FBXO16: variants seen among roughly 807,000 people sequenced by gnomAD.
The protein encoded by FBXO16 is F-box only protein 16.
FBXO16 carries 31 observed loss-of-function variants against 41.0 expected under a neutral mutation model. The observed-to-expected ratio is 0.76, with a 90% confidence interval of 0.57 to 1.02. The LOEUF is 1.02. Ranked by LOEUF, FBXO16 falls within the 50% of genes least tolerant of loss-of-function variation. The probability of loss-of-function intolerance (pLI) is 0.00; values close to 1 mark genes in which losing one functional copy is unlikely to be tolerated. For missense variants in FBXO16, 361 were observed against 346.2 expected, an observed-to-expected ratio of 1.04 and a Z score of -0.34; for synonymous variants, 133 against 117.8, an observed-to-expected ratio of 1.13 and a Z score of -0.84.
intron 6 of FBXO16, among the ~76,000 whole-genome samples, chr8:28,451,996 A>G (rs1260576742): frequency 1.5e-5 from 1 of 67,742 alleles, no homozygotes; most frequent in Non-Finnish European, 3.2e-5. Flanking sequence ...CTACGTCTCA[A>G]AAAAAAAAAA....
At chr8:28,439,862 TTCTATAAA>T (rs869170555) in intron 7 of FBXO16, among the ~76,000 whole-genome samples, 1 of 21,542 alleles carries the variant, frequency 4.6e-5, no homozygotes, top group Non-Finnish European at 7.8e-5. Context: ...AGAAACTCTG[TTCTATAAA>T]TTCTTCTGTT....
chr8:28,447,057 A>G (rs1802875450), intron 7 of FBXO16, 114 bp downstream of exon 7: 1 of 944,370 alleles, frequency 1.1e-6, no homozygotes, highest in Non-Finnish European at 1.6e-6. Flanking sequence ...CCGAATTTAA[A>G]TCACCACTCC....
At chr8:28,439,105 A>AAAAAG (rs1397069645) in intron 7 of FBXO16, among the ~76,000 whole-genome samples, 1 of 151,530 alleles carries the variant, frequency 6.6e-6, no homozygotes, top group African/African-American at 2.4e-5. Flanking sequence ...AAAAAAAAAA[A>AAAAAG]AAAAGAAAAG....
intron 3 of FBXO16, among the ~76,000 whole-genome samples, chr8:28,467,076 G>C (rs1258787129): frequency 2.6e-5 from 4 of 152,038 alleles, no homozygotes; most frequent in African/African-American, 9.7e-5. Context: ...TGAGTGGCTG[G>C]GATGTGCTAC....
At chr8:28,440,445 T>C (rs1423985313) in intron 7 of FBXO16, among the ~76,000 whole-genome samples, 1 of 152,140 alleles carries the variant, frequency 6.6e-6, no homozygotes, top group Admixed American at 6.6e-5. Context: ...GGAATTTGAG[T>C]GACTACTCAT....
intron 7 of FBXO16, among the ~76,000 whole-genome samples, chr8:28,442,240 A>G (rs1351210435): frequency 1.3e-5 from 2 of 151,326 alleles, no homozygotes; most frequent in Non-Finnish European, 2.9e-5. Context: ...GCCCGGCCGG[A>G]ATTTGTATTT....
chr8:28,482,849 G>A (rs1291654798), intron 2 of FBXO16, among the ~76,000 whole-genome samples: 1 of 152,004 alleles, frequency 6.6e-6, no homozygotes, highest in Non-Finnish European at 1.5e-5. Context: ...AAAGTGCTGG[G>A]ATTATAAGCA....
intron 3 of FBXO16, 40 bp from the exon 4 acceptor site, chr8:28,463,858 G>A: frequency 6.3e-7 from 1 of 1,588,186 alleles, no homozygotes; most frequent in South Asian, 1.1e-5. Context: ...AAAGCTCCAG[G>A]TTTAGTCTGA....
At chr8:28,480,043 G>T (rs7011772) in intron 2 of FBXO16, among the ~76,000 whole-genome samples, 109,006 of 151,772 alleles carry the variant, frequency 0.72, 39,592 homozygotes, top group African/African-American at 0.82. Context: ...GCCCCCAAAA[G>T]TTTTTCAATA....
intron 6 of FBXO16, among the ~76,000 whole-genome samples, chr8:28,449,421 A>T (rs1802917606): frequency 6.7e-6 from 1 of 149,106 alleles, no homozygotes; most frequent in Non-Finnish European, 1.5e-5. Flanking sequence ...TCCTGGGCTC[A>T]AGCAATCTTC....
At chr8:28,464,230 A>G (rs879697836) in intron 3 of FBXO16, among the ~76,000 whole-genome samples, 7 of 152,238 alleles carry the variant, frequency 4.6e-5, no homozygotes, top group Non-Finnish European at 1.0e-4. Context: ...TGTATTCACA[A>G]TTGGAGATAA....
At chr8:28,467,146 G>A (rs1167282053) in intron 3 of FBXO16, among the ~76,000 whole-genome samples, 1 of 152,146 alleles carries the variant, frequency 6.6e-6, no homozygotes, top group African/African-American at 2.4e-5. Context: ...TGAGTCTGGT[G>A]GGGCTGAGCT....
chr8:28,479,451 T>C (rs1803477375), intron 2 of FBXO16, among the ~76,000 whole-genome samples: 1 of 152,200 alleles, frequency 6.6e-6, no homozygotes, highest in Admixed American at 6.5e-5. Context: ...ACTTTTCTTC[T>C]CCACAGCTGC....
At chr8:28,479,824 G>A (rs746299809) in intron 2 of FBXO16, among the ~76,000 whole-genome samples, 2 of 151,830 alleles carry the variant, frequency 1.3e-5, no homozygotes, top group Non-Finnish European at 2.9e-5. Flanking sequence ...GGGCTCAAGC[G>A]ATCCTCCTGC....
chr8:28,429,667 TGGTG>T (rs144969870), intron 7 of FBXO16, among the ~76,000 whole-genome samples: 4,327 of 151,874 alleles, frequency 0.028, 217 homozygotes, highest in African/African-American at 0.097. Context: ...TCTAACACCG[TGGTG>T]GGTGGGTATG....
At position 28,452,228 on chromosome 8, in the gene FBXO16, G is replaced by A. The variant is rs748668037; in HGVS notation, c.740+16C>T. 6.2e-7 allele frequency: 1 copy of A among 1,601,442 alleles called. No homozygotes were observed. Among genetic ancestry groups the A allele is most frequent in the South Asian group, 1.1e-5 (1 of 90,256 alleles). ...TCTAAAAACGAAGAAGTTGAGAAGA[G>A]CATGGAGCTTCTTACCCTTGCTGGA... On this transcript the variant is annotated intron_variant, in intron 6 of 8. Coordinates refer to ENST00000380254, the MANE Select transcript of FBXO16 (RefSeq NM_172366.4).
chr8:28,451,099 C>T (rs754914116), intron 6 of FBXO16, among the ~76,000 whole-genome samples: 3 of 152,078 alleles, frequency 2.0e-5, no homozygotes, highest in Non-Finnish European at 4.4e-5. Flanking sequence ...CCTCCATCCC[C>T]GCACTCACCC....
At chr8:28,433,107 C>A (rs1270121178) in intron 7 of FBXO16, among the ~76,000 whole-genome samples, 1 of 150,868 alleles carries the variant, frequency 6.6e-6, no homozygotes, top group Admixed American at 6.6e-5. Flanking sequence ...CAAAACATAA[C>A]AACAACAACA....
intron 6 of FBXO16, among the ~76,000 whole-genome samples, chr8:28,451,994 CAAA>C (rs753582333): frequency 7.3e-5 from 7 of 96,008 alleles, no homozygotes; most frequent in African/African-American, 7.7e-5. Flanking sequence ...GACTACGTCT[CAAA>C]AAAAAAAAAA....
Sources: allele counts gnomAD v4.1 joint callset (sites outside exome capture counted in the v4.1 genomes callset), GRCh38; gene constraint gnomAD v4.1.1; transcripts MANE v1.5; gene names NCBI Gene and HGNC (gene_info 2026-07-23, HGNC 2026-07-21).